KIAA1958: variants seen among roughly 807,000 people sequenced by gnomAD.
The protein encoded by KIAA1958 is uncharacterized protein KIAA1958.
KIAA1958 carries 14 observed loss-of-function variants against 47.2 expected under a neutral mutation model. That is an observed-to-expected ratio of 0.30 (90% CI 0.20 to 0.46). The LOEUF (loss-of-function observed/expected upper bound fraction) is 0.46. Among genes scored for constraint, KIAA1958 ranks in the 20% least tolerant of loss-of-function variants. The pLI, the probability that KIAA1958 is intolerant of heterozygous loss-of-function variation, is 1.00. For synonymous variants in KIAA1958, 354 were observed against 353.3 expected (o/e 1.00, Z -0.02); for missense variants, 803 against 909.2 (o/e 0.88, Z 1.50).
chr9:112,618,578 C>T lies in KIAA1958; in HGVS notation c.1172-27072C>T, dbSNP rs1332377656. ...GGACTATAAGGAGTATGCCCAGCGGCGGCCTCCCGCCATGCGCTACGAGGA... is the reference window on the plus strand; with the variant it reads ...GGACTATAAGGAGTATGCCCAGCGGTGGCCTCCCGCCATGCGCTACGAGGA... On this transcript the variant is annotated intron_variant, in intron 2 of 3. Coordinates refer to ENST00000337530, the MANE Select transcript of KIAA1958 (RefSeq NM_133465.4). The surrounding 1 kb of genome is among the most constrained non-coding windows in gnomAD (Gnocchi z 7.1). 1 of 1,550,644 alleles carries T rather than the reference C, an allele frequency of 6.4e-7. No individual in the cohort carries two copies. The highest frequency in any genetic ancestry group is 2.0e-5 in the Admixed American group (1 of 51,016).
intron 1 of KIAA1958, among the ~76,000 whole-genome samples, chr9:112,491,500 T>C (rs1833968228): frequency 6.6e-6 from 1 of 151,858 alleles, no homozygotes; most frequent in Non-Finnish European, 1.5e-5. Flanking sequence ...GCTCCAGAGA[T>C]AGGACAAAAA....
At chr9:112,627,677 C>T (rs1836641064) in intron 2 of KIAA1958, among the ~76,000 whole-genome samples, 1 of 152,222 alleles carries the variant, frequency 6.6e-6, no homozygotes, top group Non-Finnish European at 1.5e-5. Flanking sequence ...TTGCTTGAGC[C>T]TGGGAGGTGG....
chr9:112,584,322 T>C (rs1835786411), intron 2 of KIAA1958, among the ~76,000 whole-genome samples: 1 of 152,250 alleles, frequency 6.6e-6, no homozygotes, highest in African/African-American at 2.4e-5. Context: ...TACAAAGCCC[T>C]CTGGTTCATG....
At chr9:112,599,838 A>G (rs1836099688) in intron 2 of KIAA1958, among the ~76,000 whole-genome samples, 1 of 152,230 alleles carries the variant, frequency 6.6e-6, no homozygotes, top group Admixed American at 6.5e-5. Context: ...GATATTTCAG[A>G]CATATCAGAA....
At chr9:112,575,666 C>T (rs1273917901) in intron 2 of KIAA1958, among the ~76,000 whole-genome samples, 5 of 152,018 alleles carry the variant, frequency 3.3e-5, no homozygotes, top group African/African-American at 9.7e-5. Flanking sequence ...TAATGCTTTT[C>T]GTATTATTTA....
At chr9:112,621,545 A>T (rs143872038) in intron 2 of KIAA1958, among the ~76,000 whole-genome samples, 1 of 152,354 alleles carries the variant, frequency 6.6e-6, no homozygotes, top group East Asian at 1.9e-4. Context: ...TAAGGTACTA[A>T]AATGAAAATC....
In KIAA1958 at chr9:112,493,490, T is replaced by G. The variant is rs181773533; in HGVS notation, c.-25+6372T>G. Among the ~76,000 whole-genome samples the G allele has an allele frequency of 2.7e-3, 412 of 152,348 alleles. 2 individuals are homozygous for G. The highest frequency in any genetic ancestry group is 9.5e-3 in the African/African-American group (393 of 41,580). ...TCTCTGATTCCTTCTTTATTCTTAA[T>G]CCCATTTTCCATACATAATCAAGCC... is the stretch of plus-strand genomic sequence containing the variant. On this transcript the variant is annotated intron_variant, in intron 1 of 3. Coordinates refer to ENST00000337530, the MANE Select transcript of KIAA1958 (RefSeq NM_133465.4).
rs1837351155 is a variant in KIAA1958, at chr9:112,666,383, T to C, written c.*6314T>C. On this transcript the variant is annotated 3_prime_UTR_variant, in exon 4 of 4. Coordinates refer to ENST00000337530, the MANE Select transcript of KIAA1958 (RefSeq NM_133465.4). ...CCCCCATTTTATCAATAAGGAAATT[T>C]AAGGCCAGAGATATTAAAGGGCCCA... 1 of 152,130 alleles carries C rather than the reference T, an allele frequency of 6.6e-6. No individual in the cohort carries two copies. The highest frequency in any genetic ancestry group is 1.5e-5 in the Non-Finnish European group (1 of 68,030). The allele number at this position is 152,130 out of a possible 1,614,324, so 9.4% of individuals were successfully genotyped here. A position where few individuals can be genotyped will look rare whatever the true frequency, so the allele number is the denominator to read the frequency against.
chr9:112,554,285 G>C (rs1249425888), intron 1 of KIAA1958, among the ~76,000 whole-genome samples: 2 of 152,102 alleles, frequency 1.3e-5, no homozygotes, highest in Non-Finnish European at 2.9e-5. Context: ...GGATCACGAG[G>C]TCAGGAGTTT....
chr9:112,633,101 C>G (rs937101734), intron 2 of KIAA1958, among the ~76,000 whole-genome samples: 1 of 151,826 alleles, frequency 6.6e-6, no homozygotes, highest in African/African-American at 2.4e-5. Context: ...ACTTGCAGAC[C>G]TTTTCTGGAT....
At chr9:112,550,823 C>G (rs1287101945) in intron 1 of KIAA1958, among the ~76,000 whole-genome samples, 3 of 152,150 alleles carry the variant, frequency 2.0e-5, no homozygotes, top group Non-Finnish European at 4.4e-5. Flanking sequence ...TGAACCTGTG[C>G]GACTGACCTT....
At chr9:112,625,052 G>T (rs1169178160) in intron 2 of KIAA1958, among the ~76,000 whole-genome samples, 2 of 151,972 alleles carry the variant, frequency 1.3e-5, no homozygotes, top group Admixed American at 1.3e-4. Context: ...AGACTCACTA[G>T]ACTGACTGAG....
chr9:112,528,536 AT>A (rs1379622458), intron 1 of KIAA1958, among the ~76,000 whole-genome samples: 1 of 152,026 alleles, frequency 6.6e-6, no homozygotes, highest in Non-Finnish European at 1.5e-5. Flanking sequence ...GTATTTATTT[AT>A]TTAGAGACAA....
intron 1 of KIAA1958, among the ~76,000 whole-genome samples, chr9:112,548,407 A>G (rs1835080159): frequency 6.6e-6 from 1 of 152,136 alleles, no homozygotes; most frequent in Non-Finnish European, 1.5e-5. Context: ...ATGCCTCCCT[A>G]AAATGTATGA....
chr9:112,513,152 A>G (rs1226225412), intron 1 of KIAA1958, among the ~76,000 whole-genome samples: 1 of 145,652 alleles, frequency 6.9e-6, no homozygotes, highest in Non-Finnish European at 1.5e-5. Flanking sequence ...TTACAGGCAC[A>G]CGCCACCATG....
chr9:112,503,090 A>G (rs897600567), intron 1 of KIAA1958, among the ~76,000 whole-genome samples: 1 of 152,234 alleles, frequency 6.6e-6, no homozygotes, highest in Non-Finnish European at 1.5e-5. Context: ...AACAAAATAA[A>G]TAAGTAAAAT....
intron 2 of KIAA1958, among the ~76,000 whole-genome samples, chr9:112,600,949 T>C (rs1836121187): frequency 1.3e-5 from 2 of 152,198 alleles, no homozygotes; most frequent in African/African-American, 4.8e-5. Flanking sequence ...CATTTTACAA[T>C]TGAAGAAACC....
chr9:112,639,386 G>C (rs1258148770), intron 2 of KIAA1958, among the ~76,000 whole-genome samples: 1 of 152,114 alleles, frequency 6.6e-6, no homozygotes, highest in Admixed American at 6.6e-5. Context: ...CCCAACCAGA[G>C]ACACCTTCCT....
At chr9:112,493,013 A>C (rs113371140) in intron 1 of KIAA1958, among the ~76,000 whole-genome samples, 329 of 150,828 alleles carry the variant, frequency 2.2e-3, no homozygotes, top group African/African-American at 7.7e-3. Flanking sequence ...GGGCCTCCCA[A>C]AGTGCTGGGA....
Sources: allele counts gnomAD v4.1 joint callset (sites outside exome capture counted in the v4.1 genomes callset), GRCh38; gene constraint gnomAD v4.1.1; non-coding constraint Gnocchi (gnomAD v3.1); transcripts MANE v1.5; gene names NCBI Gene and HGNC (gene_info 2026-07-23, HGNC 2026-07-21).